Variants in CEP112 observed in about 807,000 individuals in gnomAD.
CEP112 encodes centrosomal protein 112.
In CEP112, 127 loss-of-function variants were observed where a neutral mutation model predicts 153.0. That is an observed-to-expected ratio of 0.83 (90% CI 0.72 to 0.96). CEP112 has a LOEUF of 0.96. CEP112 is among the 40% of genes least tolerant of loss of function. The pLI is 0.00. For missense variants in CEP112, 1,089 were observed against 1,101.2 expected, an observed-to-expected ratio of 0.99 and a Z score of 0.16; for synonymous variants, 358 against 374.4, an observed-to-expected ratio of 0.96 and a Z score of 0.51.
intron 21 of CEP112, among the ~76,000 whole-genome samples, chr17:65,804,968 C>T (rs1367301920): frequency 1.3e-5 from 2 of 151,920 alleles, no homozygotes; most frequent in Non-Finnish European, 2.9e-5. Flanking sequence ...CCCACCTCAG[C>T]CTCCAGAGTA....
chr17:65,648,678 A>G (rs1374429851), intron 24 of CEP112, among the ~76,000 whole-genome samples: 1 of 152,252 alleles, frequency 6.6e-6, no homozygotes, highest in Non-Finnish European at 1.5e-5. Flanking sequence ...ATTGGAAAAA[A>G]GGAGCCTTGA....
At chr17:66,056,840 A>C (rs1183238342) in intron 11 of CEP112, among the ~76,000 whole-genome samples, 1 of 152,144 alleles carries the variant, frequency 6.6e-6, no homozygotes, top group Non-Finnish European at 1.5e-5. Flanking sequence ...TGAATACATC[A>C]AAAAAACCAA....
chr17:65,778,140 C>CCCA lies in CEP112; in HGVS notation c.2395-27419_2395-27417dup, dbSNP rs1156633698. 5.9e-5 allele frequency among the ~76,000 whole-genome samples: 9 copies of CCCA among 152,280 alleles called. No individual in the cohort carries two copies. In the South Asian group the frequency reaches 1.2e-3, roughly 21 times the overall value. On this transcript the variant is annotated intron_variant, in intron 21 of 26. Transcript: ENST00000535342. ...ACTCAAGGTCCTTCGTGATAAGGAG[C>CCCA]CCATGTCTCTTTCAAACACCACCTT...
intron 24 of CEP112, among the ~76,000 whole-genome samples, chr17:65,646,157 C>T (rs2045421457): frequency 6.6e-6 from 1 of 152,180 alleles, no homozygotes; most frequent in South Asian, 2.1e-4. Context: ...TTGGGTGTGA[C>T]TAAGGTTGCT....
rs555905419 is a variant in CEP112, at chr17:66,165,945, G to A, written c.470+9099C>T. Among the ~76,000 whole-genome samples the A allele has an allele frequency of 4.6e-5, 7 of 152,120 alleles. No individual in the cohort carries two copies. The East Asian group carries it at 1.2e-3, about 25-fold the overall frequency. On this transcript the variant is annotated intron_variant, in intron 4 of 26. Transcript: ENST00000535342. ...AAAATCTAGCATCAAATAACCCATG[G>A]CAAAATCTCATTAAAGCAAAGATGT...
intron 21 of CEP112, among the ~76,000 whole-genome samples, chr17:65,836,059 CT>C (rs2057294894): frequency 6.6e-6 from 1 of 152,086 alleles, no homozygotes; most frequent in African/African-American, 2.4e-5. Flanking sequence ...TTAAAATAAC[CT>C]CTTATAACTA....
chr17:65,915,910 C>A (rs530608196), intron 19 of CEP112, among the ~76,000 whole-genome samples: 7 of 151,278 alleles, frequency 4.6e-5, no homozygotes, highest in African/African-American at 1.7e-4. Context: ...GTGACAAAAT[C>A]TACCCTGTAC....
intron 17 of CEP112, among the ~76,000 whole-genome samples, chr17:65,999,439 G>C (rs2063926868): frequency 6.6e-6 from 1 of 152,038 alleles, no homozygotes; most frequent in Admixed American, 6.5e-5. Flanking sequence ...CTGACCTCGT[G>C]ATTTGCCCAC....
At chr17:65,724,406 C>A (rs1362991702) in intron 23 of CEP112, among the ~76,000 whole-genome samples, 3 of 152,136 alleles carry the variant, frequency 2.0e-5, no homozygotes, top group Admixed American at 1.3e-4. Flanking sequence ...GATGCAGTAG[C>A]AACAAGTCCC....
chr17:66,133,494 TG>T (rs1243450565), intron 4 of CEP112, among the ~76,000 whole-genome samples: 3 of 152,184 alleles, frequency 2.0e-5, no homozygotes, highest in Non-Finnish European at 2.9e-5. Flanking sequence ...AGGTAAAATG[TG>T]AAATGCAGAG....
chr17:66,171,570 A>G (rs2072244956), intron 4 of CEP112, among the ~76,000 whole-genome samples: 1 of 152,230 alleles, frequency 6.6e-6, no homozygotes, highest in Non-Finnish European at 1.5e-5. Flanking sequence ...GAGGAAATTT[A>G]GAAAAGAAAT....
intron 21 of CEP112, among the ~76,000 whole-genome samples, chr17:65,814,571 T>C (rs1463678825): frequency 6.6e-6 from 1 of 152,174 alleles, no homozygotes; most frequent in Non-Finnish European, 1.5e-5. Context: ...ATTTGTATTA[T>C]TAGTAAGGAT....
At chr17:65,729,300 G>A (rs2050357167) in intron 23 of CEP112, among the ~76,000 whole-genome samples, 1 of 152,106 alleles carries the variant, frequency 6.6e-6, no homozygotes, top group Non-Finnish European at 1.5e-5. Flanking sequence ...AATCTTATGG[G>A]ACTACCATCA....
intron 2 of CEP112, chr17:66,182,115 T>A (rs557863675): frequency 3.3e-5 from 5 of 152,378 alleles, no homozygotes; most frequent in Admixed American, 1.3e-4. Context: ...TCTGTTTCAG[T>A]TACCTACACT....
At chr17:66,035,288 T>C (rs976712162) in intron 12 of CEP112, among the ~76,000 whole-genome samples, 2 of 152,078 alleles carry the variant, frequency 1.3e-5, no homozygotes, top group Non-Finnish European at 2.9e-5. Context: ...TTCCTGTTCA[T>C]TGCCCTATTA....
chr17:66,087,923 C>A (rs141197874), intron 8 of CEP112, among the ~76,000 whole-genome samples: 3 of 152,110 alleles, frequency 2.0e-5, no homozygotes, highest in Admixed American at 2.0e-4. Context: ...GACTCCTCAG[C>A]CCTAGACTCC....
At chr17:65,902,005 G>GGGGGA in intron 20 of CEP112, 147 bp downstream of exon 20, 1 of 281,070 alleles carries the variant, frequency 3.6e-6, no homozygotes, top group Non-Finnish European at 6.1e-6. Flanking sequence ...GGGGTGGGGG[G>GGGGGA]GAGAAAAACA....
chr17:65,667,397 A>AG (rs969820410), intron 24 of CEP112, among the ~76,000 whole-genome samples: 9 of 152,116 alleles, frequency 5.9e-5, no homozygotes, highest in Admixed American at 5.9e-4. Flanking sequence ...AGGGCAATGG[A>AG]GGGGGGAGTA....
At chr17:65,683,157 A>G (rs2047612214) in intron 24 of CEP112, among the ~76,000 whole-genome samples, 1 of 152,080 alleles carries the variant, frequency 6.6e-6, no homozygotes, top group Non-Finnish European at 1.5e-5. Context: ...CCCACGAGGG[A>G]ACCTCTTTCC....
Sources: allele counts gnomAD v4.1 joint callset (sites outside exome capture counted in the v4.1 genomes callset), GRCh38; gene constraint gnomAD v4.1.1; transcripts MANE v1.5; gene names NCBI Gene and HGNC (gene_info 2026-07-23, HGNC 2026-07-21).